Variants in TRIM2 observed in about 807,000 individuals in gnomAD.
TRIM2 encodes tripartite motif-containing protein 2.
TRIM2 carries 20 observed loss-of-function variants against 75.2 expected under a neutral mutation model. The observed-to-expected ratio is 0.27, with a 90% CI of 0.19 to 0.39. TRIM2 has a LOEUF of 0.39. Ranked by LOEUF, TRIM2 falls within the 10% of genes least tolerant of loss-of-function variation. The pLI is 1.00. For synonymous variants in TRIM2, 373 were observed against 388.3 expected (o/e 0.96, Z 0.46); for missense variants, 660 against 990.8 (o/e 0.67, Z 4.48).
chr4:153,278,099 T>G (rs1282412942), intron 3 of TRIM2, among the ~76,000 whole-genome samples: 1 of 151,952 alleles, frequency 6.6e-6, no homozygotes, highest in Admixed American at 6.6e-5. Flanking sequence ...TTTTTATGGG[T>G]TTTTTAGTTT....
intron 4 of TRIM2, 113 bp from the exon 5 acceptor site, chr4:153,294,192 T>C: frequency 2.8e-6 from 3 of 1,082,948 alleles, no homozygotes; most frequent in Non-Finnish European, 4.0e-6. Context: ...TTATTGTTTT[T>C]TTAAAGATGA....
intron 9 of TRIM2, 32 bp from the exon 10 acceptor site, chr4:153,324,046 T>G: frequency 1.3e-6 from 2 of 1,574,634 alleles, no homozygotes; most frequent in South Asian, 2.2e-5. Context: ...TTTGTTGTAG[T>G]CATCACATAT....
At chr4:153,185,493 C>A (rs919812896) in intron 1 of TRIM2, among the ~76,000 whole-genome samples, 4 of 152,020 alleles carry the variant, frequency 2.6e-5, no homozygotes, top group African/African-American at 9.7e-5. Flanking sequence ...GGATCTTGAG[C>A]CACAGCAGGG....
chr4:153,222,000 A>G (rs1469882425), intron 1 of TRIM2, among the ~76,000 whole-genome samples: 20 of 36,692 alleles, frequency 5.5e-4, no homozygotes, highest in Admixed American at 8.3e-4. Context: ...GAGAGGAAGG[A>G]AGGAAAGAAG....
At chr4:153,275,559 G>A (rs1757821304) in intron 2 of TRIM2, among the ~76,000 whole-genome samples, 1 of 152,180 alleles carries the variant, frequency 6.6e-6, no homozygotes, top group South Asian at 2.1e-4. Context: ...GACTCAGCAG[G>A]TGTTCGATAG....
At chr4:153,247,003 T>C (rs1312935242) in intron 1 of TRIM2, among the ~76,000 whole-genome samples, 1 of 152,166 alleles carries the variant, frequency 6.6e-6, no homozygotes, top group Non-Finnish European at 1.5e-5. Context: ...GGCCTCCCGT[T>C]CTCATGTCCA....
chr4:153,187,526 G>A (rs562198184), intron 1 of TRIM2, among the ~76,000 whole-genome samples: 1 of 152,210 alleles, frequency 6.6e-6, no homozygotes, highest in Admixed American at 6.5e-5. Context: ...TTAGAGGAGT[G>A]CAGGAATGGA....
At chr4:153,196,856 A>G (rs1454694784) in intron 1 of TRIM2, among the ~76,000 whole-genome samples, 1 of 152,226 alleles carries the variant, frequency 6.6e-6, no homozygotes, top group East Asian at 1.9e-4. Context: ...GTCATGGTTT[A>G]CCTCAATGGT....
chr4:153,259,761 TATTTTC>T (rs1214150812), intron 1 of TRIM2, among the ~76,000 whole-genome samples: 2 of 152,230 alleles, frequency 1.3e-5, no homozygotes, highest in Non-Finnish European at 2.9e-5. Flanking sequence ...GTTTTCTGAA[TATTTTC>T]ATTGTGCAGA....
At chr4:153,316,198 G>A (rs1767547372) in intron 8 of TRIM2, among the ~76,000 whole-genome samples, 199 bp downstream of exon 8, 1 of 152,032 alleles carries the variant, frequency 6.6e-6, no homozygotes. Flanking sequence ...CCTAAATGTG[G>A]CTTTGTTTTT....
chr4:153,235,291 T>G (rs2149815759), intron 1 of TRIM2, among the ~76,000 whole-genome samples: 1 of 151,564 alleles, frequency 6.6e-6, no homozygotes, highest in Non-Finnish European at 1.5e-5. Flanking sequence ...TAAGATAATT[T>G]TTTTTTTTTT....
intron 1 of TRIM2, among the ~76,000 whole-genome samples, chr4:153,236,078 C>A (rs982811075): frequency 6.6e-6 from 1 of 152,036 alleles, no homozygotes; most frequent in Admixed American, 6.6e-5. Context: ...TTATAAGCAT[C>A]TCGCATTTCT....
At position 153,315,902 on chromosome 4, in the gene TRIM2, G is replaced by A; in HGVS notation, c.1685G>A (p.Arg562Gln). ...GGACGCTCTCCGGGGCAGCTGCAGC[G>A]GCCCACAGGAGTGGCTGTACATCCC... ...IRGRSPGQLQ[R>Q]PTGVAVHPSG... Residue 562 changes from arginine (R) to glutamine (Q), a missense_variant, in exon 8 of 12, where the codon CGG becomes CAG. Around this residue, in one of 2 missense-constraint regions of TRIM2, gnomAD observed 620 missense variants for 891.0 expected, o/e 0.70. Coordinates refer to ENST00000338700, the MANE Select transcript of TRIM2 (RefSeq NM_015271.5). The A allele has an allele frequency of 6.2e-7, 1 of 1,613,950 alleles. No individual in the cohort carries two copies. The highest frequency in any genetic ancestry group is 1.3e-5 in the African/African-American group (1 of 75,018).
intron 4 of TRIM2, 91 bp downstream of exon 4, chr4:153,293,224 A>G: frequency 1.5e-6 from 2 of 1,320,516 alleles, no homozygotes; most frequent in Non-Finnish European, 2.0e-6. Context: ...GTAGGTTCAT[A>G]TTTCCCTTGA....
rs557242992 is a variant in TRIM2, at chr4:153,197,578, A to G, written c.-49+44308A>G. Among the ~76,000 whole-genome samples the G allele has an allele frequency of 1.7e-4, 26 of 152,296 alleles. No homozygotes were observed. In the South Asian group the frequency reaches 3.3e-3, roughly 19 times the overall value. On this transcript the variant is annotated intron_variant, in intron 1 of 11. Transcript: ENST00000437508. Reference sequence around the variant, plus strand: ...GTGCAGAATCCTCATGAATGGGATTAGTGCTCTTATAAAAGAGACCAAGTG... The same window carrying G: ...GTGCAGAATCCTCATGAATGGGATTGGTGCTCTTATAAAAGAGACCAAGTG...
At chr4:153,278,618 G>A (rs1265149245) in intron 3 of TRIM2, among the ~76,000 whole-genome samples, 1 of 152,062 alleles carries the variant, frequency 6.6e-6, no homozygotes, top group Non-Finnish European at 1.5e-5. Context: ...GGGCAACATG[G>A]CGAAATCCCA....
chr4:153,199,399 A>C (rs1734093843), intron 1 of TRIM2, among the ~76,000 whole-genome samples: 1 of 152,220 alleles, frequency 6.6e-6, no homozygotes, highest in Non-Finnish European at 1.5e-5. Context: ...ACTCACTGAG[A>C]ATGTCAAACA....
rs1413310950 is a variant in TRIM2, at chr4:153,336,352, A to C, written c.*1386A>C. 9.1e-6 allele frequency: 9 copies of C among 984,502 alleles called. No individual in the cohort carries two copies. In the Admixed American group the frequency reaches 1.9e-4, roughly 20 times the overall value. The allele number at this position is 984,502 out of a possible 1,614,324, so 61.0% of individuals were successfully genotyped here. A position where few individuals can be genotyped will look rare whatever the true frequency, so the allele number is the denominator to read the frequency against. ...AAAATGGCCTTCTGTGCTTTCAAAA[A>C]AAAAAACAAAAAAAAAACCACACAC... On this transcript the variant is annotated 3_prime_UTR_variant, in exon 12 of 12. Transcript: ENST00000338700.
At chr4:153,170,326 T>TC (rs1730718135) in intron 1 of TRIM2, among the ~76,000 whole-genome samples, 1 of 152,230 alleles carries the variant, frequency 6.6e-6, no homozygotes, top group South Asian at 2.1e-4. Flanking sequence ...TTCATTAGAA[T>TC]ATGTTTTTAA....
Sources: gnomAD v4.1 joint callset for allele counts (sites outside exome capture counted in the v4.1 genomes callset) on GRCh38, gnomAD v4.1.1 for gene constraint, gnomAD v4.1.1 regional missense constraint, MANE v1.5 for transcripts, NCBI Gene and HGNC (gene_info 2026-07-23, HGNC 2026-07-21) for gene names.